The following PLCG2 variants were observed in gnomAD, a reference collection of about 807,000 sequenced individuals.
The protein encoded by PLCG2 is 1-phosphatidylinositol 4,5-bisphosphate phosphodiesterase gamma-2.
Under a neutral mutation model 175.6 loss-of-function variants are expected in PLCG2, and 69 were observed. That is an observed-to-expected ratio of 0.39 (90% CI 0.32 to 0.48). The LOEUF is 0.48. PLCG2 is among the 20% of genes least tolerant of loss of function. The pLI is 0.91. For missense variants in PLCG2, 1,798 were observed against 1,650.9 expected (o/e 1.09, Z -1.54); for synonymous variants, 827 against 624.0 (o/e 1.33, Z -4.85).
At chr16:81,956,533 ATCTT>A (rs1383168429) in intron 31 of PLCG2, among the ~76,000 whole-genome samples, 158 bp from the exon 32 acceptor site, 1 of 152,188 alleles carries the variant, frequency 6.6e-6, no homozygotes, top group Non-Finnish European at 1.5e-5. Flanking sequence ...ATTGTGTTTT[ATCTT>A]TCTTTGGTTA....
intron 2 of PLCG2, among the ~76,000 whole-genome samples, chr16:81,774,266 C>G (rs189550217): frequency 2.7e-5 from 4 of 147,230 alleles, no homozygotes; most frequent in African/African-American, 5.0e-5. Flanking sequence ...ACAAGAATCA[C>G]TTGAGCCCAG....
intron 31 of PLCG2, among the ~76,000 whole-genome samples, chr16:81,955,034 T>A (rs1911512877): frequency 6.6e-6 from 1 of 152,092 alleles, no homozygotes; most frequent in African/African-American, 2.4e-5. Context: ...GCTTTATTCT[T>A]AATAGGGAGG....
chr16:81,746,287 C>A (rs750439591), intron 1 of PLCG2, among the ~76,000 whole-genome samples: 2 of 152,244 alleles, frequency 1.3e-5, no homozygotes, highest in African/African-American at 2.4e-5. Flanking sequence ...GCCGCCGCCA[C>A]TGGCAGGGTG....
intron 30 of PLCG2, among the ~76,000 whole-genome samples, chr16:81,942,461 T>C (rs528932737): frequency 3.9e-5 from 6 of 152,280 alleles, no homozygotes; most frequent in African/African-American, 1.4e-4. Context: ...TCCATATTCA[T>C]GGGAGGAATG....
chr16:81,785,529 A>T lies in PLCG2; in HGVS notation c.-47-414A>T, dbSNP rs113533948. ...TTTTTTTTTGTTCTTAATTTTGCTCAGGAATAAAGAGATGGTTAGAAATCT... is the reference window on the plus strand; with the variant it reads ...TTTTTTTTTGTTCTTAATTTTGCTCTGGAATAAAGAGATGGTTAGAAATCT... On this transcript the variant is annotated intron_variant, in intron 1 of 32. Transcript: ENST00000564138. Among the ~76,000 whole-genome samples, 1,280 of 150,040 alleles carry T rather than the reference A, an allele frequency of 8.5e-3. 7 individuals carry two copies. The highest frequency in any genetic ancestry group is 0.015 in the Non-Finnish European group (1,000 of 67,680).
intron 26 of PLCG2, 80 bp from the exon 27 acceptor site, chr16:81,936,089 C>A: frequency 6.4e-7 from 1 of 1,559,156 alleles, no homozygotes; most frequent in Non-Finnish European, 8.7e-7. Context: ...ATAATCTGAG[C>A]ATCCAGCCAT....
chr16:81,831,710 G>A (rs1204305848), intron 2 of PLCG2, among the ~76,000 whole-genome samples: 1 of 152,152 alleles, frequency 6.6e-6, no homozygotes, highest in Non-Finnish European at 1.5e-5. Context: ...GGCCAGAAGT[G>A]CCTGGGCTAG....
At chr16:81,891,420 A>G in intron 10 of PLCG2, 52 bp from the exon 11 acceptor site, 2 of 1,021,766 alleles carry the variant, frequency 2.0e-6, no homozygotes, top group East Asian at 2.4e-5. Context: ...ACAAGCAGAC[A>G]CCATCCTGCC....
chr16:81,934,859 G>A (rs1454638649), intron 26 of PLCG2, among the ~76,000 whole-genome samples: 2 of 152,180 alleles, frequency 1.3e-5, no homozygotes, highest in African/African-American at 4.8e-5. Context: ...GCAAGTGAAA[G>A]GGGAAACCCT....
At chr16:81,793,830 T>G (rs1279863314) in intron 2 of PLCG2, among the ~76,000 whole-genome samples, 2 of 152,196 alleles carry the variant, frequency 1.3e-5, no homozygotes, top group Non-Finnish European at 2.9e-5. Flanking sequence ...AGATTGAGTC[T>G]TGGGGAGATG....
At chr16:81,927,455 A>G (rs183863961) in intron 23 of PLCG2, among the ~76,000 whole-genome samples, 47 of 152,316 alleles carry the variant, frequency 3.1e-4, no homozygotes, top group Admixed American at 4.6e-4. Context: ...AAGTGACCAA[A>G]TGGGGAATTT....
intron 2 of PLCG2, among the ~76,000 whole-genome samples, chr16:81,843,345 G>C (rs941672346): frequency 6.6e-6 from 1 of 152,114 alleles, no homozygotes; most frequent in African/African-American, 2.4e-5. Context: ...ACACTCATAC[G>C]TGCACACTTA....
chr16:81,817,221 C>T (rs981672185), intron 2 of PLCG2, among the ~76,000 whole-genome samples: 8 of 151,872 alleles, frequency 5.3e-5, no homozygotes, highest in Admixed American at 2.6e-4. Flanking sequence ...ATATTTAGGC[C>T]GAGATCCGAT....
At position 81,836,476 on chromosome 16, in the gene PLCG2, C is replaced by T. The variant is rs948637673; in HGVS notation, c.194-17968C>T. ...AAGCTTTGGGCCGGGCAAGGTGACT[C>T]ATGCCTGTAATTCCAGCACTTTGGG... On this transcript the variant is annotated intron_variant, in intron 2 of 32. Coordinates refer to ENST00000564138, the MANE Select transcript of PLCG2 (RefSeq NM_002661.5). Among the ~76,000 whole-genome samples, 5 of 152,180 alleles carry T rather than the reference C, an allele frequency of 3.3e-5. No homozygotes were observed. In the East Asian group the frequency reaches 9.6e-4, roughly 29 times the overall value.
intron 14 of PLCG2, among the ~76,000 whole-genome samples, chr16:81,901,916 T>C (rs1191033104): frequency 6.6e-6 from 1 of 152,266 alleles, no homozygotes; most frequent in Non-Finnish European, 1.5e-5. Flanking sequence ...TGCATTATTA[T>C]TCTGAGAAAA....
chr16:81,782,643 A>G (rs778861452), intron 1 of PLCG2, among the ~76,000 whole-genome samples: 38 of 152,232 alleles, frequency 2.5e-4, no homozygotes, highest in Non-Finnish European at 3.8e-4. Flanking sequence ...GCTTATTTAG[A>G]AGGGCATTTC....
intron 19 of PLCG2, among the ~76,000 whole-genome samples, chr16:81,914,113 G>C (rs893746844): frequency 2.0e-5 from 3 of 152,222 alleles, no homozygotes; most frequent in African/African-American, 7.2e-5. Context: ...GCTGCACACG[G>C]ATTGAAAACC....
rs778659658 is a variant in PLCG2 at position 81,936,155 on chromosome 16, T to C, written c.2843-14T>C. The C allele has an allele frequency of 2.5e-6, 4 of 1,613,430 alleles. No homozygotes were observed. The highest frequency in any genetic ancestry group is 1.7e-5 in the Admixed American group (1 of 59,992). On this transcript the variant is annotated splice_polypyrimidine_tract_variant and intron_variant, in intron 26 of 32. Coordinates refer to ENST00000564138, the MANE Select transcript of PLCG2 (RefSeq NM_002661.5). ...AGACACAGAAGTACTGATGACCTTTTTCTCTGTGTGCAGAAAATCCTGACT... is the reference window on the plus strand; with the variant it reads ...AGACACAGAAGTACTGATGACCTTTCTCTCTGTGTGCAGAAAATCCTGACT...
intron 2 of PLCG2, among the ~76,000 whole-genome samples, chr16:81,789,086 C>A (rs1911110213): frequency 6.6e-6 from 1 of 152,130 alleles, no homozygotes; most frequent in South Asian, 2.1e-4. Flanking sequence ...GTGTAACAAA[C>A]CTGCATGCTC....
Sources: allele counts gnomAD v4.1 joint callset (sites outside exome capture counted in the v4.1 genomes callset), GRCh38; gene constraint gnomAD v4.1.1; transcripts MANE v1.5; gene names NCBI Gene and HGNC (gene_info 2026-07-23, HGNC 2026-07-21).